CAMTA1: variants seen among roughly 807,000 people sequenced by gnomAD.
CAMTA1 encodes calmodulin binding transcription activator 1.
A neutral mutation model predicts 170.9 loss-of-function variants in CAMTA1; 27 were observed. That is an observed-to-expected ratio of 0.16 (90% CI 0.12 to 0.22). CAMTA1 has a LOEUF of 0.22. CAMTA1 is among the 10% of genes least tolerant of loss of function. CAMTA1 has a pLI of 1.00. For synonymous variants in CAMTA1, 833 were observed against 891.5 expected (o/e 0.93, Z 1.17); for missense variants, 1,619 against 2,217.2 (o/e 0.73, Z 5.42).
chr1:7,544,013 A>G lies in CAMTA1; in HGVS notation c.510+76112A>G, dbSNP rs919743034. On this transcript the variant is annotated intron_variant, in intron 6 of 22. Coordinates refer to ENST00000303635, the MANE Select transcript of CAMTA1 (RefSeq NM_015215.4). The stretch of plus-strand genomic sequence containing the variant: ...ATAGTTCTTAAAAAAGGGATCCCAC[A>G]TTTTCATTTTGCACCAGGTCCCACA... 2.0e-5 allele frequency among the ~76,000 whole-genome samples: 3 copies of G among 152,236 alleles called. 1 individual carries two copies. Among genetic ancestry groups the G allele is most frequent in the Admixed American group, 2.0e-4 (3 of 15,292 alleles).
intron 3 of CAMTA1, among the ~76,000 whole-genome samples, chr1:7,039,125 T>G (rs1704055605): frequency 6.6e-6 from 1 of 152,240 alleles, no homozygotes; most frequent in African/African-American, 2.4e-5. Context: ...TGGTGGTAAT[T>G]TGCTGGAACA....
At position 7,534,901 on chromosome 1, in the gene CAMTA1, G is replaced by A. The variant is rs576815100; in HGVS notation, c.510+67000G>A. ...TGCCTGGTACAGATGACTCTGTCTC[G>A]ATTTTGAAAAAGATGCAGAAAGAAG... On this transcript the variant is annotated intron_variant, in intron 6 of 22. Coordinates refer to ENST00000303635, the MANE Select transcript of CAMTA1 (RefSeq NM_015215.4). This position sits in a 1 kb window ranked among gnomAD's most constrained non-coding sequence, Gnocchi z 5.6. Among the ~76,000 whole-genome samples, 6 of 151,472 alleles carry A rather than the reference G, an allele frequency of 4.0e-5. No homozygotes were observed. The highest frequency in any genetic ancestry group is 1.2e-4 in the African/African-American group (5 of 41,382).
At chr1:7,628,478 T>C (rs886147685) in intron 6 of CAMTA1, among the ~76,000 whole-genome samples, 3 of 152,232 alleles carry the variant, frequency 2.0e-5, no homozygotes, top group African/African-American at 4.8e-5. Context: ...CAGAGTTGTG[T>C]CCAGCTCAGC....
chr1:7,205,732 A>G (rs939788295), intron 4 of CAMTA1, among the ~76,000 whole-genome samples: 1 of 152,262 alleles, frequency 6.6e-6, no homozygotes, highest in East Asian at 1.9e-4. Flanking sequence ...CTGTTCATCA[A>G]TCTTTTCTTT....
chr1:7,312,403 C>CTCTT (rs34330605), intron 5 of CAMTA1, among the ~76,000 whole-genome samples: 138,136 of 151,938 alleles, frequency 0.91, 62,952 homozygotes, highest in East Asian at 0.97. Context: ...TACCGTGGCT[C>CTCTT]TCTTTCTACA....
intron 7 of CAMTA1, among the ~76,000 whole-genome samples, chr1:7,648,568 G>A (rs550551771): frequency 6.6e-6 from 1 of 152,302 alleles, no homozygotes; most frequent in African/African-American, 2.4e-5. Flanking sequence ...GTGTTCCAGG[G>A]TCACTACCTC....
At chr1:7,021,226 T>C (rs1701294135) in intron 3 of CAMTA1, among the ~76,000 whole-genome samples, 1 of 152,216 alleles carries the variant, frequency 6.6e-6, no homozygotes, top group South Asian at 2.1e-4. Flanking sequence ...TGAATTGTGC[T>C]CCGGCAGGGC....
chr1:6,852,332 C>T (rs1443719900), intron 3 of CAMTA1, among the ~76,000 whole-genome samples: 1 of 152,092 alleles, frequency 6.6e-6, no homozygotes, highest in South Asian at 2.1e-4. Flanking sequence ...TCATACCAAC[C>T]AATTCTCCAG....
chr1:7,071,969 G>A (rs970475213), intron 3 of CAMTA1, among the ~76,000 whole-genome samples: 2 of 152,204 alleles, frequency 1.3e-5, no homozygotes, highest in Non-Finnish European at 2.9e-5. Context: ...CCCCAGTGGT[G>A]AAGATGGACT....
intron 6 of CAMTA1, among the ~76,000 whole-genome samples, chr1:7,516,697 C>T (rs1308557308): frequency 6.6e-6 from 1 of 152,186 alleles, no homozygotes; most frequent in Non-Finnish European, 1.5e-5. Context: ...GGTGGTCACA[C>T]CCACAAGAGA....
intron 5 of CAMTA1, among the ~76,000 whole-genome samples, chr1:7,306,934 C>G (rs1360368248): frequency 6.6e-6 from 1 of 151,776 alleles, no homozygotes; most frequent in Non-Finnish European, 1.5e-5. Context: ...GTATTATAAG[C>G]AATCTAGAGA....
intron 4 of CAMTA1, among the ~76,000 whole-genome samples, chr1:7,104,214 TAC>T (rs1176192033): frequency 2.0e-5 from 3 of 149,558 alleles, no homozygotes; most frequent in East Asian, 2.0e-4. Flanking sequence ...TACACACATG[TAC>T]ACACAACACA....
In CAMTA1 at chr1:7,547,645, A is replaced by G. The variant is rs2094715562; in HGVS notation, c.510+79744A>G. Among the ~76,000 whole-genome samples, 1 of 152,142 alleles carries G rather than the reference A, an allele frequency of 6.6e-6. No individual in the cohort carries two copies. The highest frequency in any genetic ancestry group is 1.5e-5 in the Non-Finnish European group (1 of 68,034). On this transcript the variant is annotated intron_variant, in intron 6 of 22. Coordinates refer to ENST00000303635, the MANE Select transcript of CAMTA1 (RefSeq NM_015215.4). The surrounding 1 kb of genome is among the most constrained non-coding windows in gnomAD (Gnocchi z 5.7). ...TGCCTGTGGCCCAGGACAGCTTTGA[A>G]TGTGGCCCAACACAAATTCATAAAC...
chr1:7,677,532 C>A (rs2149275053), intron 10 of CAMTA1, 67 bp from the exon 11 acceptor site: 1 of 1,556,970 alleles, frequency 6.4e-7, no homozygotes, highest in Non-Finnish European at 8.7e-7. Flanking sequence ...ATTCCAGGCC[C>A]TGTGTGGTTC....
chr1:6,841,186 T>C (rs2148692903), intron 3 of CAMTA1, among the ~76,000 whole-genome samples: 1 of 152,316 alleles, frequency 6.6e-6, no homozygotes, highest in Non-Finnish European at 1.5e-5. Context: ...GCCTCTTTCT[T>C]CCACTTTTAA....
intron 4 of CAMTA1, among the ~76,000 whole-genome samples, chr1:7,096,502 C>T (rs1305349889): frequency 6.6e-6 from 1 of 152,174 alleles, no homozygotes; most frequent in Non-Finnish European, 1.5e-5. Flanking sequence ...CTTCTCCCCT[C>T]CTTCCCTGAC....
chr1:7,584,584 C>T (rs1295530923), intron 6 of CAMTA1, among the ~76,000 whole-genome samples: 2 of 152,140 alleles, frequency 1.3e-5, no homozygotes, highest in Admixed American at 6.5e-5. Context: ...ATTAAGTACC[C>T]GCTCTGGGGT....
intron 3 of CAMTA1, among the ~76,000 whole-genome samples, chr1:6,981,879 C>G (rs1031039905): frequency 6.6e-6 from 1 of 151,898 alleles, no homozygotes; most frequent in Admixed American, 6.6e-5. Flanking sequence ...CAGGTGCACA[C>G]CACCATGCCC....
At chr1:7,418,148 GGGATTCCAGA>G (rs1403576795) in intron 5 of CAMTA1, among the ~76,000 whole-genome samples, 1 of 151,972 alleles carries the variant, frequency 6.6e-6, no homozygotes, top group Admixed American at 6.6e-5. Context: ...TCCCCGCTCT[GGGATTCCAGA>G]GTCCACTTCC....
Sources: allele counts gnomAD v4.1 joint callset (sites outside exome capture counted in the v4.1 genomes callset), GRCh38; gene constraint gnomAD v4.1.1; non-coding constraint Gnocchi (gnomAD v3.1); transcripts MANE v1.5; gene names NCBI Gene and HGNC (gene_info 2026-07-23, HGNC 2026-07-21).